WWC1: variants seen among roughly 807,000 people sequenced by gnomAD.
The protein encoded by WWC1 is protein KIBRA.
In WWC1, 55 loss-of-function variants were observed where a neutral mutation model predicts 138.4. The observed-to-expected ratio is 0.40, with a 90% CI of 0.32 to 0.50. The LOEUF (loss-of-function observed/expected upper bound fraction) is 0.50, where lower values mean the gene tolerates loss of function less well. WWC1 is among the 20% of genes least tolerant of loss of function. WWC1 has a pLI of 0.72. For synonymous variants in WWC1, 524 were observed against 564.9 expected (o/e 0.93, Z 1.03); for missense variants, 1,226 against 1,420.4 (o/e 0.86, Z 2.20).
intron 2 of WWC1, among the ~76,000 whole-genome samples, chr5:168,378,354 C>T (rs1451854344): frequency 1.3e-5 from 2 of 152,120 alleles, no homozygotes; most frequent in Non-Finnish European, 2.9e-5. Flanking sequence ...ATACCCCAAA[C>T]CTCAGCATCA....
Position 168,423,936 on chromosome 5 carries a change from G to C in WWC1, c.1678G>C (p.Ala560Pro). 1 of 1,614,080 alleles carries C rather than the reference G, an allele frequency of 6.2e-7. No individual in the cohort carries two copies. Among genetic ancestry groups the C allele is most frequent in the South Asian group, 1.1e-5 (1 of 91,074 alleles). The change falls in exon 11 of 23, where the codon GCC becomes CCC. Residue 560 changes from alanine (A) to proline (P), a missense_variant. By Grantham distance (27) the Ala-to-Pro change is conservative. This residue lies in a region of WWC1 where 1,016 missense variants were observed against 1,153.9 expected (regional missense o/e 0.88). Transcript: ENST00000265293. ...GGCTGACCCCCTCCTGGCTGGTGAT[G>C]CCTTCCTCAACTCCTTGGAGTTTGA... The part of the protein sequence containing the change: ...LMADPLLAGD[A>P]FLNSLEFEDP...
chr5:168,360,276 G>A (rs758544894), intron 1 of WWC1, among the ~76,000 whole-genome samples: 2 of 152,190 alleles, frequency 1.3e-5, no homozygotes, highest in Non-Finnish European at 2.9e-5. Context: ...TTAAAAATGT[G>A]CATCTTTTGG....
chr5:168,419,136 G>A (rs1241518131), intron 9 of WWC1, among the ~76,000 whole-genome samples: 2 of 152,122 alleles, frequency 1.3e-5, no homozygotes, highest in Non-Finnish European at 2.9e-5. Context: ...GTGGGTAGAG[G>A]GATGGCATGA....
intron 1 of WWC1, among the ~76,000 whole-genome samples, chr5:168,343,066 TG>T (rs1254430763): frequency 6.6e-6 from 1 of 152,100 alleles, no homozygotes; most frequent in Non-Finnish European, 1.5e-5. Flanking sequence ...CCTAAGAGCC[TG>T]GGGGGTTTGT....
chr5:168,403,074 C>CTTTCTTTCTTTCTTTT (rs1554104773), intron 5 of WWC1, among the ~76,000 whole-genome samples: 1 of 113,432 alleles, frequency 8.8e-6, no homozygotes, highest in African/African-American at 3.4e-5. Context: ...TTCTTTCTTT[C>CTTTCTTTCTTTCTTTT]TTTCTTTTCT....
At chr5:168,415,814 GCGTGT>G (rs1561732926) in intron 9 of WWC1, 1 of 41,456 alleles carries the variant, frequency 2.4e-5, no homozygotes, top group Non-Finnish European at 5.3e-5. Context: ...GGGGGGGGGG[GCGTGT>G]GTGTGTGTGT....
intron 1 of WWC1, among the ~76,000 whole-genome samples, chr5:168,317,210 A>G (rs1002770267): frequency 5.9e-5 from 9 of 152,198 alleles, no homozygotes; most frequent in African/African-American, 1.9e-4. Flanking sequence ...CTTCGCAGCC[A>G]AGTGCCTGCC....
intron 1 of WWC1, among the ~76,000 whole-genome samples, chr5:168,361,080 G>C (rs6893982): frequency 0.72 from 109,313 of 152,156 alleles, 39,616 homozygotes; most frequent in East Asian, 0.85. Context: ...GTTGAGTCTT[G>C]TCCGTGCATG....
intron 1 of WWC1, among the ~76,000 whole-genome samples, chr5:168,353,457 T>C (rs2152791717): frequency 6.6e-6 from 1 of 152,350 alleles, no homozygotes; most frequent in East Asian, 1.9e-4. Flanking sequence ...CATCAGCCAC[T>C]CCTGGCATCA....
Position 168,406,169 on chromosome 5 carries a change from G to A in WWC1, c.591-29G>A, listed in dbSNP as rs1437217712. On this transcript the variant is annotated intron_variant, in intron 5 of 22. Transcript: ENST00000265293. ...GACCCTGTCCCTCACCCTATCTAAG[G>A]CTGACCTTTCCCATTAACTGTCTCC... is the stretch of plus-strand genomic sequence containing the variant. 6.2e-6 allele frequency: 10 copies of A among 1,611,848 alleles called. No homozygotes were observed. The East Asian group carries it at 1.8e-4, about 29-fold the overall frequency.
intron 17 of WWC1, among the ~76,000 whole-genome samples, chr5:168,450,366 A>G (rs1239623326): frequency 1.3e-5 from 2 of 152,010 alleles, no homozygotes; most frequent in East Asian, 3.9e-4. Context: ...CACTTACATC[A>G]TGTATAAAAA....
chr5:168,319,610 C>T (rs1041206007), intron 1 of WWC1, among the ~76,000 whole-genome samples: 11 of 152,088 alleles, frequency 7.2e-5, no homozygotes, highest in Admixed American at 7.2e-4. Context: ...AAGTGATCCT[C>T]CAGCCTCAGC....
At chr5:168,406,072 G>C in intron 5 of WWC1, 126 bp from the exon 6 acceptor site, 1 of 1,223,340 alleles carries the variant, frequency 8.2e-7, no homozygotes, top group South Asian at 1.5e-5. Flanking sequence ...TAGGGAGGAA[G>C]GGTTAGCAGG....
intron 1 of WWC1, among the ~76,000 whole-genome samples, chr5:168,306,313 T>C (rs1210222922): frequency 2.0e-5 from 3 of 152,152 alleles, no homozygotes. Context: ...GGGGAATCGC[T>C]TGAACCCAGG....
At chr5:168,295,255 A>G (rs1769426713) in intron 1 of WWC1, among the ~76,000 whole-genome samples, 1 of 152,038 alleles carries the variant, frequency 6.6e-6, no homozygotes, top group Admixed American at 6.6e-5. Flanking sequence ...GCTCTTAAAT[A>G]TTATTTCAAA....
At chr5:168,368,410 T>C (rs1776490522) in intron 1 of WWC1, among the ~76,000 whole-genome samples, 1 of 152,226 alleles carries the variant, frequency 6.6e-6, no homozygotes, top group Non-Finnish European at 1.5e-5. Flanking sequence ...CAAGGAGGAA[T>C]TTTGAAAAGT....
At chr5:168,349,383 T>C (rs1774744988) in intron 1 of WWC1, among the ~76,000 whole-genome samples, 1 of 152,182 alleles carries the variant, frequency 6.6e-6, no homozygotes, top group South Asian at 2.1e-4. Flanking sequence ...AGAAAGGTTT[T>C]GTTTGTTTTT....
At chr5:168,355,087 T>A (rs1367043552) in intron 1 of WWC1, among the ~76,000 whole-genome samples, 1 of 152,160 alleles carries the variant, frequency 6.6e-6, no homozygotes, top group African/African-American at 2.4e-5. Context: ...CAGGTGTGAC[T>A]CTGTTGGAAT....
intron 1 of WWC1, among the ~76,000 whole-genome samples, chr5:168,298,662 A>G (rs1769782502): frequency 6.6e-6 from 1 of 152,184 alleles, no homozygotes; most frequent in Non-Finnish European, 1.5e-5. Flanking sequence ...AATAGTCAAT[A>G]CCAGCATCTA....
Sources: allele counts gnomAD v4.1 joint callset (sites outside exome capture counted in the v4.1 genomes callset), GRCh38; gene constraint gnomAD v4.1.1; regional missense constraint gnomAD v4.1.1; transcripts MANE v1.5; gene names NCBI Gene and HGNC (gene_info 2026-07-23, HGNC 2026-07-21).